Variants in CCNY observed in about 807,000 individuals in gnomAD.
CCNY encodes the protein cyclin-Y.
In CCNY, 19 loss-of-function variants were observed where a neutral mutation model predicts 42.8. That is an observed-to-expected ratio of 0.44 (90% CI 0.31 to 0.65). The LOEUF is 0.65. CCNY is among the 30% of genes least tolerant of loss of function. The probability of loss-of-function intolerance (pLI) is 0.07; values close to 1 mark genes in which losing one functional copy is unlikely to be tolerated. For synonymous variants in CCNY, 165 were observed against 162.7 expected (o/e 1.01, Z -0.11); for missense variants, 370 against 437.3 (o/e 0.85, Z 1.37).
intron 3 of CCNY, among the ~76,000 whole-genome samples, chr10:35,512,459 G>A (rs994944306): frequency 6.6e-6 from 1 of 152,194 alleles, no homozygotes; most frequent in Non-Finnish European, 1.5e-5. Flanking sequence ...CTGCGACTGA[G>A]TAGCCAGAAA....
At chr10:35,357,221 C>G (rs983619768) in intron 1 of CCNY, among the ~76,000 whole-genome samples, 10 of 144,714 alleles carry the variant, frequency 6.9e-5, no homozygotes, top group Admixed American at 6.9e-4. Context: ...AGCCCCATCA[C>G]GCTCAGTCAC....
At chr10:35,272,073 G>A (rs955250852) in intron 3 of CCNY, among the ~76,000 whole-genome samples, 2 of 152,032 alleles carry the variant, frequency 1.3e-5, no homozygotes, top group African/African-American at 2.4e-5. Context: ...TGCAACCTCC[G>A]CCTGCCAGGT....
chr10:35,293,680 T>C (rs558640351), intron 3 of CCNY, among the ~76,000 whole-genome samples: 22 of 152,360 alleles, frequency 1.4e-4, no homozygotes, highest in African/African-American at 5.0e-4. Flanking sequence ...TTTTGCACTT[T>C]GTTAAATTTA....
intron 3 of CCNY, among the ~76,000 whole-genome samples, chr10:35,296,380 G>T (rs1589022042): frequency 6.6e-6 from 1 of 152,180 alleles, no homozygotes; most frequent in East Asian, 1.9e-4. Flanking sequence ...AGGAGTTTGA[G>T]ACCAGCCAGG....
intron 2 of CCNY, among the ~76,000 whole-genome samples, chr10:35,248,886 T>A (rs989189301): frequency 1.3e-5 from 2 of 152,066 alleles, no homozygotes; most frequent in Non-Finnish European, 2.9e-5. Flanking sequence ...TCCTCAGCAA[T>A]GTTTGCTTAG....
At chr10:35,546,103 G>T (rs532697825) in intron 7 of CCNY, among the ~76,000 whole-genome samples, 1 of 152,118 alleles carries the variant, frequency 6.6e-6, no homozygotes, top group African/African-American at 2.4e-5. Flanking sequence ...GTCTTCACCC[G>T]TATGATTTCA....
intron 1 of CCNY, among the ~76,000 whole-genome samples, chr10:35,444,020 A>G (rs1369745625): frequency 6.6e-6 from 1 of 152,210 alleles, no homozygotes; most frequent in East Asian, 1.9e-4. Context: ...CTCTCTGGCA[A>G]AACTGCTAGC....
chr10:35,350,666 G>A (rs1836410340), intron 1 of CCNY, among the ~76,000 whole-genome samples: 1 of 152,124 alleles, frequency 6.6e-6, no homozygotes. Flanking sequence ...ACTTTGAAGG[G>A]GAGAAAAACC....
At chr10:35,360,639 TA>T in intron 1 of CCNY, among the ~76,000 whole-genome samples, 1 of 152,222 alleles carries the variant, frequency 6.6e-6, no homozygotes, top group South Asian at 2.1e-4. Context: ...TTAGAAAATT[TA>T]AAAAAGTATA....
intron 3 of CCNY, among the ~76,000 whole-genome samples, chr10:35,255,533 G>T (rs1048365763): frequency 6.6e-6 from 1 of 151,820 alleles, no homozygotes; most frequent in African/African-American, 2.4e-5. Flanking sequence ...TCTGACCTCA[G>T]GTGATCCACC....
At position 35,266,447 on chromosome 10, in the gene CCNY, T is replaced by C. The variant is rs112752277; in HGVS notation, c.-9+15821T>C. Among the ~76,000 whole-genome samples, 1,509 of 152,030 alleles carry C rather than the reference T, an allele frequency of 9.9e-3. 22 individuals carry two copies. Among genetic ancestry groups the C allele is most frequent in the African/African-American group, 0.035 (1,443 of 41,452 alleles). ...AATGTAGCATGATTTTTTGATCACT[T>C]GGTGGAGGAATTCCATGTAGCAGAC... is the stretch of plus-strand genomic sequence containing the variant. On this transcript the variant is annotated intron_variant, in intron 3 of 11. Coordinates refer to the CCNY transcript ENST00000374706.
At chr10:35,388,610 T>C (rs1837345166) in intron 1 of CCNY, among the ~76,000 whole-genome samples, 1 of 152,066 alleles carries the variant, frequency 6.6e-6, no homozygotes, top group Non-Finnish European at 1.5e-5. Context: ...AATAATTGCG[T>C]TTTCTCTTTT....
intron 1 of CCNY, among the ~76,000 whole-genome samples, chr10:35,444,143 A>G (rs957509323): frequency 6.8e-6 from 1 of 147,076 alleles, no homozygotes; most frequent in Non-Finnish European, 1.5e-5. Flanking sequence ...AGGGCTTTAG[A>G]GGTGACAGCA....
chr10:35,285,539 C>T (rs929804690), intron 3 of CCNY, among the ~76,000 whole-genome samples: 7 of 152,158 alleles, frequency 4.6e-5, no homozygotes, highest in Admixed American at 3.9e-4. Context: ...ATCTTCCCAC[C>T]TCAGACTCCT....
chr10:35,392,788 C>T (rs1014551067), intron 1 of CCNY, among the ~76,000 whole-genome samples: 1 of 152,212 alleles, frequency 6.6e-6, no homozygotes, highest in Middle Eastern at 3.4e-3. Context: ...TGAGGTGGAG[C>T]GGCCAGGAGG....
chr10:35,255,623 C>A (rs1010558256), intron 3 of CCNY, among the ~76,000 whole-genome samples: 2 of 152,054 alleles, frequency 1.3e-5, no homozygotes, highest in Non-Finnish European at 2.9e-5. Context: ...CAGAGAAGTT[C>A]TCTCTCTGCC....
intron 1 of CCNY, among the ~76,000 whole-genome samples, chr10:35,436,503 G>T (rs969479524): frequency 3.9e-5 from 6 of 152,160 alleles, no homozygotes; most frequent in Admixed American, 2.6e-4. Context: ...TGAGCTTGGG[G>T]CCCTGCTCCA....
intron 4 of CCNY, among the ~76,000 whole-genome samples, chr10:35,520,605 AC>A (rs746730546): frequency 1.3e-5 from 2 of 152,158 alleles, no homozygotes; most frequent in Admixed American, 1.3e-4. Flanking sequence ...AAAATAATCC[AC>A]CTGTAAAGTG....
chr10:35,298,265 G>T (rs1334150278), intron 3 of CCNY, among the ~76,000 whole-genome samples: 1 of 152,114 alleles, frequency 6.6e-6, no homozygotes, highest in Non-Finnish European at 1.5e-5. Flanking sequence ...TCAAGATATA[G>T]AACATTTCCA....
Sources: gnomAD v4.1 joint callset for allele counts (sites outside exome capture counted in the v4.1 genomes callset) on GRCh38, gnomAD v4.1.1 for gene constraint, MANE v1.5 for transcripts, NCBI Gene and HGNC (gene_info 2026-07-23, HGNC 2026-07-21) for gene names.